CDKAL1: variants seen among roughly 807,000 people sequenced by gnomAD.
CDKAL1 encodes the protein threonylcarbamoyladenosine tRNA methylthiotransferase.
In CDKAL1, 32 loss-of-function variants were observed where a neutral mutation model predicts 68.2. That is an observed-to-expected ratio of 0.47 (90% confidence interval 0.35 to 0.63). The LOEUF is 0.63. Among genes scored for constraint, CDKAL1 ranks in the 30% least tolerant of loss-of-function variants. The probability of loss-of-function intolerance (pLI) is 0.00; values close to 1 mark genes in which losing one functional copy is unlikely to be tolerated. For missense variants in CDKAL1, 606 were observed against 696.7 expected, an observed-to-expected ratio of 0.87 and a Z score of 1.47; for synonymous variants, 234 against 244.3, an observed-to-expected ratio of 0.96 and a Z score of 0.39.
At chr6:20,707,078 C>T (rs1771633824) in intron 5 of CDKAL1, among the ~76,000 whole-genome samples, 1 of 152,172 alleles carries the variant, frequency 6.6e-6, no homozygotes, top group African/African-American at 2.4e-5. Context: ...TCATTAAAAA[C>T]AATTTTGTCT....
At chr6:21,056,265 A>ATT (rs1239927695) in intron 11 of CDKAL1, among the ~76,000 whole-genome samples, 1 of 151,742 alleles carries the variant, frequency 6.6e-6, no homozygotes, top group African/African-American at 2.4e-5. Context: ...GTTCCTAGAT[A>ATT]TTTTGTTCTC....
At chr6:20,612,564 GTC>G (rs1476002385) in intron 4 of CDKAL1, among the ~76,000 whole-genome samples, 1 of 151,984 alleles carries the variant, frequency 6.6e-6, no homozygotes, top group Non-Finnish European at 1.5e-5. Context: ...TTTGAGAAAT[GTC>G]TATTCACATA....
intron 11 of CDKAL1, among the ~76,000 whole-genome samples, chr6:21,029,399 G>T (rs906810370): frequency 4.6e-5 from 7 of 151,976 alleles, no homozygotes; most frequent in Admixed American, 6.6e-5. Context: ...CCAGAATGAA[G>T]GAGAGAAAAG....
intron 13 of CDKAL1, among the ~76,000 whole-genome samples, chr6:21,113,494 GT>G (rs925816791): frequency 2.0e-5 from 3 of 151,810 alleles, no homozygotes; most frequent in Admixed American, 1.3e-4. Flanking sequence ...AAAAAACGGG[GT>G]TTTTTTGTTT....
chr6:21,040,082 T>C (rs562558038), intron 11 of CDKAL1, among the ~76,000 whole-genome samples: 1 of 152,344 alleles, frequency 6.6e-6, no homozygotes, highest in Non-Finnish European at 1.5e-5. Context: ...CGTCTCCAAA[T>C]CCCTTTTTTT....
intron 12 of CDKAL1, among the ~76,000 whole-genome samples, chr6:21,066,312 A>G (rs916065238): frequency 6.6e-6 from 1 of 152,164 alleles, no homozygotes; most frequent in African/African-American, 2.4e-5. Flanking sequence ...GGGTAAGAAA[A>G]TATTTTGCAG....
intron 15 of CDKAL1, among the ~76,000 whole-genome samples, chr6:21,221,896 C>T (rs1322596938): frequency 1.3e-5 from 2 of 152,122 alleles, no homozygotes; most frequent in African/African-American, 2.4e-5. Context: ...AGGTGATGGG[C>T]AGATGCCAAG....
chr6:21,151,913 C>G lies in CDKAL1; in HGVS notation c.1299+43450C>G, dbSNP rs561318673. On this transcript the variant is annotated intron_variant, in intron 13 of 15. Transcript: ENST00000274695. ...CTCTCCCTGGCGTGCGGCCTCCACC[C>G]CCAACACACACAATGATTATTTTCA... Among the ~76,000 whole-genome samples, 9 of 152,276 alleles carry G rather than the reference C, an allele frequency of 5.9e-5. No individual in the cohort carries two copies. The East Asian group carries it at 1.7e-3, about 29-fold the overall frequency.
intron 12 of CDKAL1, among the ~76,000 whole-genome samples, chr6:21,095,150 A>G (rs1047784028): frequency 2.0e-5 from 3 of 152,216 alleles, no homozygotes; most frequent in Non-Finnish European, 4.4e-5. Flanking sequence ...GTTGGCAGGG[A>G]TGGGAGAGCA....
At chr6:20,845,447 A>G (rs4336435) in intron 8 of CDKAL1, among the ~76,000 whole-genome samples, 16,009 of 151,996 alleles carry the variant, frequency 0.11, 927 homozygotes, top group South Asian at 0.14. Flanking sequence ...CCTATTTTTT[A>G]ATTTTTTAAA....
intron 7 of CDKAL1, among the ~76,000 whole-genome samples, chr6:20,764,936 TTA>T (rs1774629154): frequency 6.6e-6 from 1 of 152,288 alleles, no homozygotes; most frequent in Admixed American, 6.5e-5. Context: ...GCCTTACATG[TTA>T]GGAATACTTT....
intron 7 of CDKAL1, among the ~76,000 whole-genome samples, chr6:20,759,744 T>A (rs1297630815): frequency 6.6e-6 from 1 of 152,182 alleles, no homozygotes; most frequent in Admixed American, 6.5e-5. Context: ...ACATAGATTC[T>A]TATTGAAGTC....
At chr6:21,053,583 T>TTCAA (rs1770658132) in intron 11 of CDKAL1, among the ~76,000 whole-genome samples, 1 of 152,230 alleles carries the variant, frequency 6.6e-6, no homozygotes, top group Non-Finnish European at 1.5e-5. Context: ...AATTCCCACC[T>TTCAA]TCAATGTATA....
intron 9 of CDKAL1, among the ~76,000 whole-genome samples, chr6:20,886,963 A>G (rs1761098076): frequency 6.6e-6 from 1 of 152,224 alleles, no homozygotes. Context: ...GCATATAAAT[A>G]TTTTTTACAG....
chr6:21,162,415 C>G (rs192419923), intron 13 of CDKAL1, among the ~76,000 whole-genome samples: 1 of 152,334 alleles, frequency 6.6e-6, no homozygotes, highest in East Asian at 1.9e-4. Context: ...AGCTGAACCT[C>G]TGATGGAAAA....
intron 9 of CDKAL1, among the ~76,000 whole-genome samples, chr6:20,918,714 C>T (rs1409350409): frequency 1.3e-5 from 2 of 152,212 alleles, no homozygotes; most frequent in Non-Finnish European, 2.9e-5. Flanking sequence ...ACTTCCGCTT[C>T]TCAGTTTCTT....
intron 11 of CDKAL1, among the ~76,000 whole-genome samples, chr6:21,061,977 C>A (rs914752511): frequency 3.3e-5 from 5 of 152,106 alleles, no homozygotes; most frequent in African/African-American, 4.8e-5. Flanking sequence ...GTTTACCTTG[C>A]CAAATATATC....
At chr6:21,009,686 C>T (rs1169279049) in intron 11 of CDKAL1, among the ~76,000 whole-genome samples, 4 of 152,118 alleles carry the variant, frequency 2.6e-5, no homozygotes, top group African/African-American at 4.8e-5. Flanking sequence ...GAAATTTTGT[C>T]GTGGCAGCAA....
chr6:20,726,661 A>T (rs1772671110), intron 5 of CDKAL1, among the ~76,000 whole-genome samples: 1 of 152,186 alleles, frequency 6.6e-6, no homozygotes. Context: ...TGGGAAGAGG[A>T]AGTCTCCAGC....
Sources: allele counts gnomAD v4.1 joint callset (sites outside exome capture counted in the v4.1 genomes callset), GRCh38; gene constraint gnomAD v4.1.1; transcripts MANE v1.5; gene names NCBI Gene and HGNC (gene_info 2026-07-23, HGNC 2026-07-21).